TBC1D22A: variants seen among roughly 807,000 people sequenced by gnomAD.
TBC1D22A encodes TBC1 domain family member 22A, also known as putative GTPase activator.
A neutral mutation model predicts 60.2 loss-of-function variants in TBC1D22A; 38 were observed. That is an observed-to-expected ratio of 0.63 (90% CI 0.49 to 0.83). TBC1D22A has a LOEUF of 0.83. TBC1D22A is among the 40% of genes least tolerant of loss of function. The pLI, the probability that TBC1D22A is intolerant of heterozygous loss-of-function variation, is 0.00. For missense variants in TBC1D22A, 628 were observed against 701.0 expected, an observed-to-expected ratio of 0.90 and a Z score of 1.18; for synonymous variants, 302 against 281.7, an observed-to-expected ratio of 1.07 and a Z score of -0.72.
Position 46,774,314 on chromosome 22 carries a change from C to G in TBC1D22A, c.62+11466C>G, listed in dbSNP as rs1051435915. 3 of 956,084 alleles carry G rather than the reference C, an allele frequency of 3.1e-6. No homozygotes were observed. In the African/African-American group the frequency reaches 5.3e-5, roughly 17 times the overall value. The allele number at this position is 956,084 out of a possible 1,614,324, so 59.2% of individuals were successfully genotyped here. On this transcript the variant is annotated intron_variant, in intron 1 of 12. Coordinates refer to ENST00000337137, the MANE Select transcript of TBC1D22A (RefSeq NM_014346.5). ...GAGGTATCAGGAGGCCCAGAGGGAA[C>G]AGGGCTGCCTGGGCTCTTCCCATTT...
In TBC1D22A at chr22:46,793,719, C is replaced by T. The variant is rs146025212; in HGVS notation, c.338C>T (p.Thr113Met). ...RNHSQRQGRP[T>M]LQEGPGLQQK... ...CACAGCCAGCGGCAGGGGCGGCCCA[C>T]GCTGCAGGAGGGGCCAGGGCTTCAG... Residue 113 changes from threonine to methionine, a missense_variant, in exon 3 of 13, where the codon ACG becomes ATG. Coordinates refer to ENST00000337137, the MANE Select transcript of TBC1D22A (RefSeq NM_014346.5). 8.0e-3 allele frequency: 12,854 copies of T among 1,610,722 alleles called. 81 individuals are homozygous for T. Among genetic ancestry groups the T allele is most frequent in the Non-Finnish European group, 8.6e-3 (10,189 of 1,179,132 alleles).
intron 12 of TBC1D22A, among the ~76,000 whole-genome samples, chr22:47,154,783 C>A (rs764514214): frequency 1.3e-5 from 2 of 152,360 alleles, no homozygotes; most frequent in Middle Eastern, 3.4e-3. Context: ...TTCCCCTCCC[C>A]ACTCTCAGCG....
At position 46,889,266 on chromosome 22, in the gene TBC1D22A, A is replaced by T. The variant is rs373833999; in HGVS notation, c.709-2000A>T. ...GAACAGATACTTCACCAAAGAAGAG[A>T]TGCGATGGCCCCACGAAGAGATGTT... On this transcript the variant is annotated intron_variant, in intron 5 of 12. Coordinates refer to ENST00000337137, the MANE Select transcript of TBC1D22A (RefSeq NM_014346.5). 1.2e-4 allele frequency among the ~76,000 whole-genome samples: 19 copies of T among 152,352 alleles called. No individual in the cohort carries two copies. In the East Asian group the frequency reaches 1.9e-3, roughly 15 times the overall value.
At chr22:46,893,787 G>A (rs1040007877) in intron 6 of TBC1D22A, among the ~76,000 whole-genome samples, 2 of 152,174 alleles carry the variant, frequency 1.3e-5, no homozygotes, top group Non-Finnish European at 2.9e-5. Context: ...CCTCCTCCTC[G>A]GCAGCACTGC....
intron 11 of TBC1D22A, among the ~76,000 whole-genome samples, chr22:47,086,910 C>T (rs1040951591): frequency 2.0e-5 from 3 of 152,228 alleles, no homozygotes; most frequent in Admixed American, 1.3e-4. Context: ...GCCTGTTCAT[C>T]GTAGCACTGT....
At chr22:47,082,694 C>T (rs954109871) in intron 11 of TBC1D22A, among the ~76,000 whole-genome samples, 1 of 152,222 alleles carries the variant, frequency 6.6e-6, no homozygotes, top group African/African-American at 2.4e-5. Context: ...ACTACACGCC[C>T]TCCTTAATGG....
At chr22:47,134,737 G>T (rs1476193938) in intron 12 of TBC1D22A, among the ~76,000 whole-genome samples, 1 of 149,630 alleles carries the variant, frequency 6.7e-6, no homozygotes, top group Non-Finnish European at 1.5e-5. Context: ...TTTGCAGAAA[G>T]AATTCCTCGT....
chr22:46,917,472 A>T (rs1160719403), intron 8 of TBC1D22A, among the ~76,000 whole-genome samples: 1 of 152,092 alleles, frequency 6.6e-6, no homozygotes, highest in Non-Finnish European at 1.5e-5. Context: ...AGCGTGAACG[A>T]GAAGGAAAAA....
chr22:46,853,193 G>A (rs375655536), intron 4 of TBC1D22A, among the ~76,000 whole-genome samples: 4 of 152,066 alleles, frequency 2.6e-5, no homozygotes, highest in Non-Finnish European at 4.4e-5. Context: ...CTTCATCCTC[G>A]GCTCTGCCTC....
At chr22:46,797,398 C>A in intron 3 of TBC1D22A, 46 bp from the exon 4 acceptor site, 2 of 1,600,952 alleles carry the variant, frequency 1.2e-6, no homozygotes, top group South Asian at 2.2e-5. Context: ...AACGTGTAGT[C>A]GGGAGGAGCG....
intron 7 of TBC1D22A, among the ~76,000 whole-genome samples, chr22:46,905,609 C>CGGG (rs1165183344): frequency 6.6e-6 from 1 of 152,178 alleles, no homozygotes; most frequent in Admixed American, 6.5e-5. Context: ...GGGGGACAGG[C>CGGG]GGGGCCTCTG....
At chr22:47,058,590 C>T (rs1398361179) in intron 11 of TBC1D22A, among the ~76,000 whole-genome samples, 3 of 151,982 alleles carry the variant, frequency 2.0e-5, no homozygotes. Flanking sequence ...CTCCAGGCCA[C>T]TGTCCCCTGG....
At chr22:46,957,105 G>A (rs979922356) in intron 8 of TBC1D22A, among the ~76,000 whole-genome samples, 2 of 152,204 alleles carry the variant, frequency 1.3e-5, no homozygotes, top group South Asian at 2.1e-4. Flanking sequence ...AGAGAGGGAC[G>A]CGGTCTCCAC....
intron 11 of TBC1D22A, among the ~76,000 whole-genome samples, chr22:47,053,176 G>A (rs1427209335): frequency 6.6e-6 from 1 of 152,086 alleles, no homozygotes. Context: ...CCAGCCCAGG[G>A]CCTCACTGCT....
chr22:47,083,851 A>G (rs1211373201), intron 11 of TBC1D22A, among the ~76,000 whole-genome samples: 2 of 152,232 alleles, frequency 1.3e-5, no homozygotes, highest in African/African-American at 4.8e-5. Flanking sequence ...GCCCACCAGA[A>G]TGGCTGACAA....
intron 11 of TBC1D22A, among the ~76,000 whole-genome samples, chr22:47,040,393 T>C (rs2062801859): frequency 6.6e-6 from 1 of 152,084 alleles, no homozygotes; most frequent in African/African-American, 2.4e-5. Context: ...CAATTAGACA[T>C]GAGATTTGGT....
intron 9 of TBC1D22A, among the ~76,000 whole-genome samples, chr22:46,984,549 G>T (rs1276806097): frequency 6.6e-6 from 1 of 151,914 alleles, no homozygotes; most frequent in Non-Finnish European, 1.5e-5. Context: ...TTCCATATTT[G>T]CCTACCCTGA....
At chr22:47,063,643 C>A (rs140547) in intron 11 of TBC1D22A, among the ~76,000 whole-genome samples, 71,606 of 151,880 alleles carry the variant, frequency 0.47, 17,576 homozygotes, top group East Asian at 0.59. Flanking sequence ...CTGTCACTCG[C>A]GTGGAGTATC....
At position 46,897,722 on chromosome 22, in the gene TBC1D22A, A is replaced by G. The variant is rs529425964; in HGVS notation, c.900+2876A>G. 2.4e-4 allele frequency among the ~76,000 whole-genome samples: 34 copies of G among 139,122 alleles called. 1 individual carries two copies. The South Asian group carries it at 6.5e-3, about 26-fold the overall frequency. The allele number at this position is 139,122 out of a possible 152,430, so 91.3% of individuals were successfully genotyped here. A position where few individuals can be genotyped will look rare whatever the true frequency, so the allele number is the denominator to read the frequency against. On this transcript the variant is annotated intron_variant, in intron 7 of 12. Coordinates refer to ENST00000337137, the MANE Select transcript of TBC1D22A (RefSeq NM_014346.5). Reference sequence around the variant, plus strand: ...CTTAGGTTACCTGCCTCCAGACCCTATTCTCCTGCCTGACGTGTTTTATTA... The same window carrying G: ...CTTAGGTTACCTGCCTCCAGACCCTGTTCTCCTGCCTGACGTGTTTTATTA...
Sources: allele counts gnomAD v4.1 joint callset (sites outside exome capture counted in the v4.1 genomes callset), GRCh38; gene constraint gnomAD v4.1.1; transcripts MANE v1.5; gene names NCBI Gene and HGNC (gene_info 2026-07-23, HGNC 2026-07-21).